SPOPL: variants seen among roughly 807,000 people sequenced by gnomAD.
SPOPL encodes speckle type BTB/POZ protein like, also known as speckle-type POZ protein-like.
A neutral mutation model predicts 53.8 loss-of-function variants in SPOPL; 23 were observed. The ratio of observed to expected loss-of-function variants is 0.43; its 90% CI spans 0.31 to 0.61. SPOPL has a LOEUF of 0.61. SPOPL is among the 20% of genes least tolerant of loss of function. The probability of loss-of-function intolerance (pLI) is 0.12; values close to 1 mark genes in which losing one functional copy is unlikely to be tolerated. For missense variants in SPOPL, 442 were observed against 466.9 expected (o/e 0.95, Z 0.49); for synonymous variants, 164 against 149.7 (o/e 1.10, Z -0.70).
chr2:138,514,302 A>G (rs754534687), intron 1 of SPOPL, among the ~76,000 whole-genome samples: 3 of 152,228 alleles, frequency 2.0e-5, no homozygotes, highest in Non-Finnish European at 2.9e-5. Flanking sequence ...AAGGCAGGAC[A>G]ACTCGAAGCT....
chr2:138,536,342 C>A (rs1338344349), intron 1 of SPOPL, among the ~76,000 whole-genome samples: 6 of 76,726 alleles, frequency 7.8e-5, no homozygotes, highest in South Asian at 7.1e-4. Flanking sequence ...TTAGTGCCCC[C>A]CCCCCACACA....
intron 1 of SPOPL, among the ~76,000 whole-genome samples, chr2:138,525,835 CAAA>C (rs758644476): frequency 4.7e-5 from 5 of 105,516 alleles, no homozygotes; most frequent in South Asian, 3.0e-4. Flanking sequence ...GAACCTGTCT[CAAA>C]AAAAAAAAAA....
intron 1 of SPOPL, among the ~76,000 whole-genome samples, chr2:138,512,957 T>C (rs1215283891): frequency 6.6e-6 from 1 of 152,226 alleles, no homozygotes; most frequent in African/African-American, 2.4e-5. Flanking sequence ...TCCTCGTAAC[T>C]ACACTGCTAA....
chr2:138,561,536 G>A (rs554626912), intron 8 of SPOPL, among the ~76,000 whole-genome samples: 6 of 152,176 alleles, frequency 3.9e-5, no homozygotes, highest in South Asian at 2.1e-4. Context: ...TGTATGTGTC[G>A]ATGGATGGTA....
At chr2:138,523,445 C>T (rs912464281) in intron 1 of SPOPL, among the ~76,000 whole-genome samples, 3 of 152,120 alleles carry the variant, frequency 2.0e-5, no homozygotes, top group African/African-American at 4.8e-5. Context: ...TCTCAAATCT[C>T]GTATCTTCAC....
intron 1 of SPOPL, among the ~76,000 whole-genome samples, chr2:138,544,174 G>T (rs1469204963): frequency 2.0e-5 from 3 of 152,202 alleles, no homozygotes. Context: ...AGGCTACTCG[G>T]GGGTCAGGGA....
chr2:138,534,245 G>A (rs1449565069), intron 1 of SPOPL, among the ~76,000 whole-genome samples: 1 of 151,826 alleles, frequency 6.6e-6, no homozygotes, highest in East Asian at 1.9e-4. Flanking sequence ...CTGCATCTGA[G>A]GATTCAACCA....
At chr2:138,544,157 C>G (rs1011315106) in intron 1 of SPOPL, among the ~76,000 whole-genome samples, 1 of 152,196 alleles carries the variant, frequency 6.6e-6, no homozygotes, top group Non-Finnish European at 1.5e-5. Context: ...GGGGGTGTCT[C>G]CCAGTTAGGC....
intron 8 of SPOPL, chr2:138,564,291 C>T (rs1444928805): frequency 5.9e-6 from 1 of 169,960 alleles, no homozygotes; most frequent in African/African-American, 2.4e-5. Context: ...ACACTAATAC[C>T]TGCAAGAATG....
chr2:138,523,739 A>G (rs1452941531), intron 1 of SPOPL, among the ~76,000 whole-genome samples: 4 of 152,160 alleles, frequency 2.6e-5, no homozygotes, highest in Non-Finnish European at 4.4e-5. Context: ...CTTCAAAATG[A>G]TCTCCTTTGA....
chr2:138,569,261 T>A lies in SPOPL; in HGVS notation c.*181T>A, dbSNP rs1227812977. ...TTATGGTTTATTCTTCAGCTTTAAA[T>A]TAGACTGATTAATTCACTTCAAGGC... On this transcript the variant is annotated 3_prime_UTR_variant, in exon 11 of 11. Transcript: ENST00000280098. 3.2e-6 allele frequency: 2 copies of A among 626,800 alleles called. No individual in the cohort carries two copies. Among genetic ancestry groups the A allele is most frequent in the Non-Finnish European group, 5.5e-6 (2 of 366,418 alleles). 38.8% of individuals were successfully genotyped at this position (626,800 alleles called of 1,614,324 possible).
intron 5 of SPOPL, among the ~76,000 whole-genome samples, chr2:138,555,605 G>A (rs1451085112): frequency 6.6e-6 from 1 of 152,124 alleles, no homozygotes; most frequent in African/African-American, 2.4e-5. Flanking sequence ...GATTAAAATG[G>A]CAAAATTGTA....
At chr2:138,503,283 C>G (rs959200882) in intron 1 of SPOPL, among the ~76,000 whole-genome samples, 2 of 152,166 alleles carry the variant, frequency 1.3e-5, no homozygotes, top group African/African-American at 2.4e-5. Context: ...GGGGAAGTTA[C>G]TTAATATTTC....
At chr2:138,515,401 A>C (rs1342720367) in intron 1 of SPOPL, among the ~76,000 whole-genome samples, 1 of 152,230 alleles carries the variant, frequency 6.6e-6, no homozygotes, top group Non-Finnish European at 1.5e-5. Flanking sequence ...GAAGGGGAAC[A>C]CTATATGAGC....
At chr2:138,565,072 A>G (rs1246229768) in intron 10 of SPOPL, 79 bp downstream of exon 10, 4 of 1,531,168 alleles carry the variant, frequency 2.6e-6, no homozygotes, top group African/African-American at 1.4e-5. Context: ...TTGTTCATCT[A>G]CAATAAGTAT....
intron 1 of SPOPL, among the ~76,000 whole-genome samples, chr2:138,535,361 C>T (rs1398119977): frequency 2.0e-5 from 3 of 152,098 alleles, no homozygotes; most frequent in African/African-American, 7.2e-5. Flanking sequence ...TGGATATATA[C>T]CTAGGAGTAG....
intron 5 of SPOPL, among the ~76,000 whole-genome samples, chr2:138,558,269 A>T (rs975949948): frequency 6.6e-5 from 10 of 152,188 alleles, no homozygotes; most frequent in Admixed American, 1.3e-4. Flanking sequence ...AAATAACTTG[A>T]TCCATATTAT....
At chr2:138,521,563 T>G (rs368866730) in intron 1 of SPOPL, among the ~76,000 whole-genome samples, 51 of 152,210 alleles carry the variant, frequency 3.4e-4, no homozygotes, top group East Asian at 1.5e-3. Context: ...GTTGTTTTTT[T>G]TGTGTGTGTG....
At chr2:138,526,504 G>A (rs1684678352) in intron 1 of SPOPL, among the ~76,000 whole-genome samples, 1 of 151,798 alleles carries the variant, frequency 6.6e-6, no homozygotes, top group Admixed American at 6.6e-5. Context: ...TAATTTTTTA[G>A]TATGTTTTAC....
Sources: allele counts gnomAD v4.1 joint callset (sites outside exome capture counted in the v4.1 genomes callset), GRCh38; gene constraint gnomAD v4.1.1; transcripts MANE v1.5; gene names NCBI Gene and HGNC (gene_info 2026-07-23, HGNC 2026-07-21).